Variants in HOXA3 observed in about 807,000 individuals in gnomAD.
HOXA3 encodes the protein homeobox protein Hox-A3.
A neutral mutation model predicts 30.3 loss-of-function variants in HOXA3; 8 were observed. That is an observed-to-expected ratio of 0.26 (90% CI 0.15 to 0.48). The LOEUF is 0.48. Ranked by LOEUF, HOXA3 falls within the 20% of genes least tolerant of loss-of-function variation. The probability of loss-of-function intolerance (pLI) is 0.99; values close to 1 mark genes in which losing one functional copy is unlikely to be tolerated. For missense variants in HOXA3, 653 were observed against 614.4 expected, an observed-to-expected ratio of 1.06 and a Z score of -0.66; for synonymous variants, 323 against 273.1, an observed-to-expected ratio of 1.18 and a Z score of -1.80.
At chr7:27,110,842 TAAAAGA>T (rs1784331751) in intron 4 of HOXA3, 82 bp from the exon 5 acceptor site, 7 of 706,194 alleles carry the variant, frequency 9.9e-6, no homozygotes, top group Admixed American at 3.2e-5. Flanking sequence ...ATGAAAGCCA[TAAAAGA>T]AAAAGTGGTC....
Position 27,108,389 on chromosome 7 carries a change from G to A in HOXA3, c.858C>T (p.Ser286=), listed in dbSNP as rs775012127. 1 of 1,597,642 alleles carries A rather than the reference G, an allele frequency of 6.3e-7. No homozygotes were observed. The highest frequency in any genetic ancestry group is 8.5e-7 in the Non-Finnish European group (1 of 1,170,068). ...YLNSMHSLVN[S]VPYEPQSPPP... is the part of the protein sequence containing the mutation. ...GGGGCGACTGGGGCTCATACGGGAC[G>A]CTGTTGACCAGCGAATGCATAGAGT... Residue 286 remains serine, a synonymous_variant, in exon 6 of 6, where the codon AGC becomes AGT. Transcript: ENST00000612286. This position sits in a 1 kb window ranked among gnomAD's most constrained non-coding sequence, Gnocchi z 5.0.
chr7:27,130,753 A>C lies in HOXA3; in HGVS notation c.-389-3683T>G, dbSNP rs776457786. The stretch of plus-strand genomic sequence containing the variant: ...GGTCATTAATTTGTGAAGTGCAAAA[A>C]TACTAATTTTTCTCGCGTTGTCGTT... On this transcript the variant is annotated intron_variant, in intron 2 of 5. Coordinates refer to ENST00000612286, the MANE Select transcript of HOXA3 (RefSeq NM_153631.3). The C allele has an allele frequency of 1.5e-5, 24 of 1,597,498 alleles. No individual in the cohort carries two copies. In the Admixed American group the frequency reaches 3.9e-4, roughly 26 times the overall value.
chr7:27,126,353 T>C (rs1785281930), intron 3 of HOXA3, among the ~76,000 whole-genome samples: 1 of 152,064 alleles, frequency 6.6e-6, no homozygotes. Flanking sequence ...AAGGAGAGTA[T>C]GTGTAAGGCT....
At chr7:27,129,767 C>A (rs1323147608) in intron 2 of HOXA3, among the ~76,000 whole-genome samples, 1 of 152,172 alleles carries the variant, frequency 6.6e-6, no homozygotes, top group Non-Finnish European at 1.5e-5. Flanking sequence ...GGGAAACACC[C>A]GAGAGCCATA....
At position 27,140,077 on chromosome 7, in the gene HOXA3, G is replaced by C. The variant is rs909589550; in HGVS notation, c.-390+6C>G. On this transcript the variant is annotated splice_donor_region_variant and intron_variant, in intron 2 of 5. Coordinates refer to ENST00000612286, the MANE Select transcript of HOXA3 (RefSeq NM_153631.3). ...AAACTTGAAAGCGCTCAGGAGGCGA[G>C]CTTACCTTAACTCGGAGGGAGCCAT... is the stretch of plus-strand genomic sequence containing the variant. 5 of 151,108 alleles carry C rather than the reference G, an allele frequency of 3.3e-5. No individual in the cohort carries two copies. Among genetic ancestry groups the C allele is most frequent in the African/African-American group, 1.2e-4 (5 of 40,890 alleles). 9.4% of individuals were successfully genotyped at this position (151,108 alleles called of 1,614,324 possible). A position where few individuals can be genotyped will look rare whatever the true frequency, so the allele number is the denominator to read the frequency against.
rs1554343132 is a variant in HOXA3 at position 27,152,483 on chromosome 7, C to CTGGCG, written c.-690_-689insCGCCA. 8.6e-7 allele frequency: 1 copy of CTGGCG among 1,166,386 alleles called. No individual in the cohort carries two copies. The highest frequency in any genetic ancestry group is 1.1e-6 in the Non-Finnish European group (1 of 930,748). 72.3% of individuals were successfully genotyped at this position (1,166,386 alleles called of 1,614,324 possible). On this transcript the variant is annotated 5_prime_UTR_variant, in exon 1 of 6. An upstream open reading frame in the 5' UTR loses its in-frame stop. Coordinates refer to ENST00000612286, the MANE Select transcript of HOXA3 (RefSeq NM_153631.3). ...CGGGAGCCGCCAGGCCTGGCCTGGC[C>CTGGCG]GGGGCTTCCCTTCGCTCGCCATCTC...
intron 1 of HOXA3, chr7:27,151,463 C>G: frequency 2.5e-6 from 1 of 392,448 alleles, no homozygotes; most frequent in Non-Finnish European, 5.2e-6. Context: ...TGCGTCCTTC[C>G]TTCAACCTTA....
intron 1 of HOXA3, chr7:27,150,198 G>A (rs1782921906): frequency 6.6e-6 from 1 of 151,014 alleles, no homozygotes; most frequent in African/African-American, 2.4e-5. Context: ...GGGCTATTCC[G>A]GCAAGAATAG....
At chr7:27,137,580 C>T (rs2128057638) in intron 2 of HOXA3, among the ~76,000 whole-genome samples, 1 of 152,220 alleles carries the variant, frequency 6.6e-6, no homozygotes, top group Non-Finnish European at 1.5e-5. Flanking sequence ...AGAAAACCAG[C>T]CATCCTCTTT....
chr7:27,119,221 G>A (rs1261950697), intron 4 of HOXA3, among the ~76,000 whole-genome samples: 1 of 133,928 alleles, frequency 7.5e-6, no homozygotes, highest in Non-Finnish European at 1.5e-5. Flanking sequence ...AGTTAACAAG[G>A]CAATCTGGGA....
At chr7:27,151,715 C>T (rs1209189099) in intron 1 of HOXA3, 1 of 456,392 alleles carries the variant, frequency 2.2e-6, no homozygotes, top group African/African-American at 2.0e-5. Context: ...CTACCTTTCT[C>T]TCTGAAACCA....
chr7:27,116,934 T>C (rs1028200717), intron 4 of HOXA3, among the ~76,000 whole-genome samples: 3 of 152,076 alleles, frequency 2.0e-5, no homozygotes, highest in African/African-American at 7.2e-5. Flanking sequence ...AAGTAGGGGA[T>C]GCCTGATTTG....
intron 1 of HOXA3, chr7:27,151,662 G>A (rs1278840155): frequency 2.2e-6 from 1 of 456,576 alleles, no homozygotes; most frequent in Admixed American, 2.3e-5. Context: ...GGCAACGAGC[G>A]GAGAACTCTG....
rs1436047428 is a variant in HOXA3, at chr7:27,147,710, G to A, written c.-494+4578C>T. On this transcript the variant is annotated intron_variant, in intron 1 of 5. Coordinates refer to ENST00000612286, the MANE Select transcript of HOXA3 (RefSeq NM_153631.3). ...AAGAAGGAGTCCTGGCCGCTGGGAA[G>A]GCTCCCGGGGAAAGTGGGATTCACA... 5 of 1,611,986 alleles carry A rather than the reference G, an allele frequency of 3.1e-6. No individual in the cohort carries two copies. In the Admixed American group the frequency reaches 8.3e-5, roughly 27 times the overall value.
At chr7:27,111,755 G>GA (rs374102009) in intron 4 of HOXA3, among the ~76,000 whole-genome samples, 7 of 151,480 alleles carry the variant, frequency 4.6e-5, no homozygotes, top group Non-Finnish European at 1.0e-4. Context: ...ATTAGAGGGG[G>GA]AAAAAAAACC....
intron 1 of HOXA3, among the ~76,000 whole-genome samples, chr7:27,149,175 A>G (rs1782885306): frequency 6.6e-6 from 1 of 152,242 alleles, no homozygotes; most frequent in South Asian, 2.1e-4. Flanking sequence ...TTTACAACAC[A>G]TGGATCAATC....
At chr7:27,129,504 C>T (rs1016008058) in intron 2 of HOXA3, 16 of 1,614,168 alleles carry the variant, frequency 9.9e-6, no homozygotes, top group Non-Finnish European at 1.4e-5. Context: ...TCTCCAGCTC[C>T]AAGACCTGCT....
intron 4 of HOXA3, among the ~76,000 whole-genome samples, chr7:27,111,952 T>G (rs17437216): frequency 6.6e-6 from 1 of 152,232 alleles, no homozygotes; most frequent in Non-Finnish European, 1.5e-5. Context: ...GATCTTTGTG[T>G]GCTGTTGTTG....
Position 27,152,301 on chromosome 7 carries a change from C to T in HOXA3, c.-507G>A, listed in dbSNP as rs1783004056. 1.6e-6 allele frequency: 2 copies of T among 1,277,862 alleles called. No homozygotes were observed. The highest frequency in any genetic ancestry group is 2.5e-5 in the South Asian group (2 of 79,744). The allele number at this position is 1,277,862 out of a possible 1,614,324, so 79.2% of individuals were successfully genotyped here. A position where few individuals can be genotyped will look rare whatever the true frequency, so the allele number is the denominator to read the frequency against. On this transcript the variant is annotated 5_prime_UTR_variant, in exon 1 of 6. Coordinates refer to ENST00000612286, the MANE Select transcript of HOXA3 (RefSeq NM_153631.3). Reference sequence around the variant, plus strand: ...CACATGTCTCACCTTCAGACGGTGGCTCCCAGAAGCTCCTGCCCCTCTGAC... The same window carrying T: ...CACATGTCTCACCTTCAGACGGTGGTTCCCAGAAGCTCCTGCCCCTCTGAC...
Sources: allele counts gnomAD v4.1 joint callset (sites outside exome capture counted in the v4.1 genomes callset), GRCh38; gene constraint gnomAD v4.1.1; non-coding constraint Gnocchi (gnomAD v3.1); transcripts MANE v1.5; gene names NCBI Gene and HGNC (gene_info 2026-07-23, HGNC 2026-07-21).